EPC1: variants seen among roughly 807,000 people sequenced by gnomAD.
EPC1 encodes the protein enhancer of polycomb 1, also known as enhancer of polycomb homolog 1.
EPC1 carries 12 observed loss-of-function variants against 98.4 expected under a neutral mutation model. That is an observed-to-expected ratio of 0.12 (90% CI 0.08 to 0.20). The LOEUF is 0.20. Ranked by LOEUF, EPC1 falls within the 10% of genes least tolerant of loss-of-function variation. The probability of loss-of-function intolerance (pLI) is 1.00; values close to 1 mark genes in which losing one functional copy is unlikely to be tolerated. For synonymous variants in EPC1, 357 were observed against 363.9 expected (o/e 0.98, Z 0.21); for missense variants, 729 against 990.5 (o/e 0.74, Z 3.54).
intron 1 of EPC1, among the ~76,000 whole-genome samples, chr10:32,343,537 T>C (rs1404463678): frequency 6.6e-6 from 1 of 152,196 alleles, no homozygotes; most frequent in Non-Finnish European, 1.5e-5. Flanking sequence ...ACTTAGCAAA[T>C]TTCGATGCAT....
At chr10:32,358,627 G>A (rs1440344818) in intron 1 of EPC1, among the ~76,000 whole-genome samples, 9 of 136,070 alleles carry the variant, frequency 6.6e-5, no homozygotes, top group African/African-American at 2.2e-4. Context: ...CCTGGGGAAC[G>A]GAGTAAAAAA....
intron 1 of EPC1, among the ~76,000 whole-genome samples, chr10:32,339,169 A>G (rs1270673755): frequency 6.6e-6 from 1 of 152,184 alleles, no homozygotes; most frequent in Admixed American, 6.5e-5. Context: ...AATGAGATTA[A>G]CTCAAGATTT....
chr10:32,281,144 C>A (rs1027283775), intron 10 of EPC1, among the ~76,000 whole-genome samples: 5 of 152,302 alleles, frequency 3.3e-5, no homozygotes, highest in African/African-American at 1.2e-4. Context: ...AAGTGGTTTT[C>A]CTGCCTCAGC....
chr10:32,280,792 T>C (rs756737309), intron 10 of EPC1, among the ~76,000 whole-genome samples: 1 of 152,130 alleles, frequency 6.6e-6, no homozygotes, highest in Non-Finnish European at 1.5e-5. Flanking sequence ...ATACTATAAC[T>C]CGCATATTTG....
chr10:32,332,823 C>T (rs1424008117), intron 1 of EPC1, among the ~76,000 whole-genome samples: 1 of 152,194 alleles, frequency 6.6e-6, no homozygotes, highest in Non-Finnish European at 1.5e-5. Context: ...GGAGTCCTCA[C>T]TGCTATAACA....
intron 9 of EPC1, 134 bp downstream of exon 9, chr10:32,286,556 ATTTT>A: frequency 9.6e-7 from 1 of 1,038,274 alleles, no homozygotes; most frequent in South Asian, 1.8e-5. Context: ...CAACAAAAAT[ATTTT>A]AGTCAACAGA....
intron 1 of EPC1, among the ~76,000 whole-genome samples, chr10:32,329,649 T>G (rs955164423): frequency 1.3e-5 from 2 of 152,100 alleles, no homozygotes; most frequent in African/African-American, 4.8e-5. Flanking sequence ...CCTTCTAATC[T>G]CTAAACATAG....
chr10:32,280,510 A>G (rs1449666841), intron 10 of EPC1, among the ~76,000 whole-genome samples: 1 of 151,624 alleles, frequency 6.6e-6, no homozygotes, highest in Admixed American at 6.6e-5. Flanking sequence ...GGAGGCCGAA[A>G]CGGGTGGATC....
chr10:32,292,293 AACTT>A, intron 5 of EPC1, 199 bp downstream of exon 5: 1 of 354,720 alleles, frequency 2.8e-6, no homozygotes, highest in Non-Finnish European at 4.9e-6. Flanking sequence ...GGTATGTTTT[AACTT>A]AAGTGAATCC....
chr10:32,373,410 G>T (rs1839805680), intron 1 of EPC1, among the ~76,000 whole-genome samples: 1 of 152,114 alleles, frequency 6.6e-6, no homozygotes, highest in African/African-American at 2.4e-5. Context: ...AATCACTCAA[G>T]AATGTTTATA....
At chr10:32,303,813 G>A (rs1835717879) in intron 2 of EPC1, among the ~76,000 whole-genome samples, 1 of 152,184 alleles carries the variant, frequency 6.6e-6, no homozygotes, top group South Asian at 2.1e-4. Context: ...TGAAATCTGC[G>A]TAAACTCTAG....
chr10:32,344,795 AAAG>A (rs201043163), intron 1 of EPC1, among the ~76,000 whole-genome samples: 1,979 of 152,270 alleles, frequency 0.013, 47 homozygotes, highest in African/African-American at 0.046. Flanking sequence ...TCAGAAAAGA[AAAG>A]AAGAAAAATC....
intron 2 of EPC1, among the ~76,000 whole-genome samples, chr10:32,303,174 A>ATG (rs1835673673): frequency 6.6e-6 from 1 of 152,080 alleles, no homozygotes; most frequent in Admixed American, 6.6e-5. Flanking sequence ...GTGGTGGTGC[A>ATG]CACCTGTAAT....
intron 10 of EPC1, 87 bp downstream of exon 10, chr10:32,284,611 A>T: frequency 8.9e-7 from 1 of 1,120,000 alleles, no homozygotes. Flanking sequence ...TTAAGCCATA[A>T]ATGTAACAGA....
chr10:32,348,688 A>C (rs1839014097), upstream of EPC1, among the ~76,000 whole-genome samples: 1 of 152,180 alleles, frequency 6.6e-6, no homozygotes. Context: ...ATGAGTATTG[A>C]GGGTGTGTAT....
chr10:32,310,786 A>G (rs767967794), intron 1 of EPC1, among the ~76,000 whole-genome samples: 4 of 152,006 alleles, frequency 2.6e-5, no homozygotes, highest in Non-Finnish European at 4.4e-5. Flanking sequence ...AAGCAGGAGA[A>G]TTGTTTGAAC....
intron 10 of EPC1, chr10:32,282,948 T>C (rs1836487218): frequency 6.6e-6 from 1 of 152,222 alleles, no homozygotes; most frequent in African/African-American, 2.4e-5. Flanking sequence ...GAAAAGTTCT[T>C]TATTTTGATT....
In EPC1 at chr10:32,293,872, G is replaced by A. The variant is rs528889730; in HGVS notation, c.314-135C>T. On this transcript the variant is annotated intron_variant, in intron 2 of 13. Coordinates refer to ENST00000319778, the MANE Select transcript of EPC1 (RefSeq NM_001272004.3). ...ATTCTTGGATTTTGTTTTCAGAGTC[G>A]CAAACAATCTAAGCTTAGATTTGTC... 47 of 784,616 alleles carry A rather than the reference G, an allele frequency of 6.0e-5. No homozygotes were observed. In the East Asian group the frequency reaches 6.9e-4, roughly 12 times the overall value. 48.6% of individuals were successfully genotyped at this position (784,616 alleles called of 1,614,324 possible). A position where few individuals can be genotyped will look rare whatever the true frequency, so the allele number is the denominator to read the frequency against.
intron 1 of EPC1, among the ~76,000 whole-genome samples, chr10:32,336,805 C>T (rs1207443029): frequency 6.6e-6 from 1 of 152,050 alleles, no homozygotes; most frequent in Non-Finnish European, 1.5e-5. Flanking sequence ...TAAATGGATC[C>T]AGGAGAGACA....
Sources: gnomAD v4.1 joint callset for allele counts (sites outside exome capture counted in the v4.1 genomes callset) on GRCh38, gnomAD v4.1.1 for gene constraint, MANE v1.5 for transcripts, NCBI Gene and HGNC (gene_info 2026-07-23, HGNC 2026-07-21) for gene names.